CACNG3: variants seen among roughly 807,000 people sequenced by gnomAD.
CACNG3 encodes the protein calcium voltage-gated channel auxiliary subunit gamma 3, also known as voltage-dependent calcium channel gamma-3 subunit.
In CACNG3, 3 loss-of-function variants were observed where a neutral mutation model predicts 28.5. That is an observed-to-expected ratio of 0.11 (90% CI 0.05 to 0.27). CACNG3 has a LOEUF of 0.27. CACNG3 is among the 10% of genes least tolerant of loss of function. The probability of loss-of-function intolerance (pLI) is 1.00; values close to 1 mark genes in which losing one functional copy is unlikely to be tolerated. For missense variants in CACNG3, 236 were observed against 414.4 expected (o/e 0.57, Z 3.74); for synonymous variants, 174 against 162.2 (o/e 1.07, Z -0.55).
chr16:24,267,167 C>T (rs1276931657), intron 1 of CACNG3, among the ~76,000 whole-genome samples: 4 of 151,912 alleles, frequency 2.6e-5, no homozygotes, highest in Non-Finnish European at 4.4e-5. Flanking sequence ...GGGGTTTCAC[C>T]GTGTTAGCCA....
chr16:24,338,046 C>T (rs911516903), intron 1 of CACNG3, among the ~76,000 whole-genome samples: 7 of 151,906 alleles, frequency 4.6e-5, no homozygotes, highest in Admixed American at 1.3e-4. Context: ...GCTGGAAGGG[C>T]AGCTGATGGA....
chr16:24,304,194 T>C (rs920374141), intron 1 of CACNG3, among the ~76,000 whole-genome samples: 2 of 152,134 alleles, frequency 1.3e-5, no homozygotes, highest in African/African-American at 2.4e-5. Flanking sequence ...AAAAAGTCTT[T>C]TAAAATGAGA....
At chr16:24,281,675 T>C (rs1011454721) in intron 1 of CACNG3, among the ~76,000 whole-genome samples, 3 of 152,172 alleles carry the variant, frequency 2.0e-5, no homozygotes, top group African/African-American at 7.2e-5. Flanking sequence ...AGTCACGTGA[T>C]TCAATCTTGA....
rs1402755661 is a variant in CACNG3 at position 24,257,369 on chromosome 16, GAGAGAGAGAGAGA to G, written c.211+405_211+417del. Among the ~76,000 whole-genome samples the G allele has an allele frequency of 5.5e-3, 109 of 19,650 alleles. 2 individuals are homozygous for G. Among genetic ancestry groups the G allele is most frequent in the African/African-American group, 0.014 (80 of 5,760 alleles). The allele number at this position is 19,650 out of a possible 152,430, so 12.9% of individuals were successfully genotyped here. ...GGACAAGAGGAAAGAAGTGAGGGGG[GAGAGAGAGAGAGA>G]GAGAGAGAGAGAGAGAGAGAGAGAG... On this transcript the variant is annotated intron_variant, in intron 1 of 3. Transcript: ENST00000005284.
chr16:24,266,175 A>G (rs759095186), intron 1 of CACNG3, among the ~76,000 whole-genome samples: 1 of 152,194 alleles, frequency 6.6e-6, no homozygotes, highest in Non-Finnish European at 1.5e-5. Flanking sequence ...AAAAGAAGAA[A>G]TCCTTGGGAG....
chr16:24,294,284 C>A (rs1365392971), intron 1 of CACNG3, among the ~76,000 whole-genome samples: 2 of 152,192 alleles, frequency 1.3e-5, no homozygotes, highest in African/African-American at 4.8e-5. Context: ...AGTGAGAAAT[C>A]CCCGAATCAG....
chr16:24,318,663 A>C (rs903069139), intron 1 of CACNG3, among the ~76,000 whole-genome samples: 1 of 152,094 alleles, frequency 6.6e-6, no homozygotes, highest in Non-Finnish European at 1.5e-5. Context: ...CCTTGTGATT[A>C]CAGTTCAACA....
chr16:24,314,763 T>TCCTCCC lies in CACNG3; in HGVS notation c.212-31966_212-31965insCCCTCC, dbSNP rs1354531018. 1.7e-3 allele frequency among the ~76,000 whole-genome samples: 219 copies of TCCTCCC among 132,280 alleles called. 3 individuals are homozygous for TCCTCCC. Among genetic ancestry groups the TCCTCCC allele is most frequent in the Middle Eastern group, 0.011 (3 of 276 alleles). The allele number at this position is 132,280 out of a possible 152,430, so 86.8% of individuals were successfully genotyped here. A position where few individuals can be genotyped will look rare whatever the true frequency, so the allele number is the denominator to read the frequency against. ...CTCCTCCTCCTCCTCCTCCTCCTCC[T>TCCTCCC]CCTCCTCCAACCTCCACCTACTCTC... On this transcript the variant is annotated intron_variant, in intron 1 of 3. Transcript: ENST00000005284.
rs1417396263 is a variant in CACNG3, at chr16:24,317,620, AAGAAAGAC to A, written c.212-29110_212-29103del. ...AAAGAAAGAAAGAAAGAAAGAAAGAAAGAAAGACAGACAGAAAGAAAGAAAAGAAAAGA... is the reference window on the plus strand; with the variant it reads ...AAAGAAAGAAAGAAAGAAAGAAAGAAAGACAGAAAGAAAGAAAAGAAAAGA... On this transcript the variant is annotated intron_variant, in intron 1 of 3. Transcript: ENST00000005284. 2.5e-3 allele frequency among the ~76,000 whole-genome samples: 151 copies of A among 60,420 alleles called. 8 individuals carry two copies. Among genetic ancestry groups the A allele is most frequent in the South Asian group, 3.8e-3 (7 of 1,830 alleles). The allele number at this position is 60,420 out of a possible 152,430, so 39.6% of individuals were successfully genotyped here.
At chr16:24,257,679 G>A (rs932994955) in intron 1 of CACNG3, among the ~76,000 whole-genome samples, 5 of 152,262 alleles carry the variant, frequency 3.3e-5, no homozygotes, top group East Asian at 1.9e-4. Context: ...GTATCCACCT[G>A]TCTTCATTCC....
At chr16:24,302,543 C>T (rs1294461694) in intron 1 of CACNG3, among the ~76,000 whole-genome samples, 1 of 152,154 alleles carries the variant, frequency 6.6e-6, no homozygotes, top group African/African-American at 2.4e-5. Flanking sequence ...CAGCCTTGAA[C>T]TCCTGGGCTC....
intron 1 of CACNG3, among the ~76,000 whole-genome samples, chr16:24,283,113 T>C (rs1242793301): frequency 6.6e-6 from 1 of 152,076 alleles, no homozygotes; most frequent in Non-Finnish European, 1.5e-5. Flanking sequence ...TGTGATCTGC[T>C]TGCCTTGGCC....
intron 1 of CACNG3, among the ~76,000 whole-genome samples, chr16:24,285,735 A>T (rs1055140510): frequency 2.6e-5 from 4 of 151,798 alleles, no homozygotes; most frequent in African/African-American, 7.2e-5. Context: ...TATATAATTT[A>T]AAAAGTATAT....
Position 24,329,824 on chromosome 16 carries a change from C to T in CACNG3, c.212-16910C>T, listed in dbSNP as rs537048648. ...CCAAGGCAGGTGGATTACTTGAGGT[C>T]AGGAGTTTGAGACCAGCCTGGCCAA... On this transcript the variant is annotated intron_variant, in intron 1 of 3. Coordinates refer to ENST00000005284, the MANE Select transcript of CACNG3 (RefSeq NM_006539.4). Among the ~76,000 whole-genome samples the T allele has an allele frequency of 2.0e-5, 3 of 152,274 alleles. No individual in the cohort carries two copies. The East Asian group carries it at 5.8e-4, about 29-fold the overall frequency.
rs1898460605 is a variant in CACNG3, at chr16:24,256,377, T to A, written c.-378T>A. On this transcript the variant is annotated 5_prime_UTR_variant, in exon 1 of 4. Transcript: ENST00000005284. This position sits in a 1 kb window ranked among gnomAD's most constrained non-coding sequence, Gnocchi z 4.6. ...TCTCTGGGTTTCTTTGCCTTGAGTCTCCCGGGGCTGTGAGAAGCCAGGCGC... is the reference window on the plus strand; with the variant it reads ...TCTCTGGGTTTCTTTGCCTTGAGTCACCCGGGGCTGTGAGAAGCCAGGCGC... 3.7e-6 allele frequency: 1 copy of A among 269,766 alleles called. No individual in the cohort carries two copies. The highest frequency in any genetic ancestry group is 7.2e-6 in the Non-Finnish European group (1 of 139,824). 16.7% of individuals were successfully genotyped at this position (269,766 alleles called of 1,614,324 possible).
intron 1 of CACNG3, among the ~76,000 whole-genome samples, chr16:24,343,415 T>G (rs1226479479): frequency 6.6e-6 from 1 of 152,128 alleles, no homozygotes; most frequent in African/African-American, 2.4e-5. Context: ...TTTCTTCCTT[T>G]GAAATCTTTC....
At chr16:24,322,530 T>C (rs539587441) in intron 1 of CACNG3, among the ~76,000 whole-genome samples, 1 of 152,116 alleles carries the variant, frequency 6.6e-6, no homozygotes, top group Non-Finnish European at 1.5e-5. Context: ...CATTTTCTTA[T>C]GCATTAGCTC....
At chr16:24,351,606 GA>G (rs1243417188) in intron 2 of CACNG3, among the ~76,000 whole-genome samples, 3 of 107,910 alleles carry the variant, frequency 2.8e-5, no homozygotes, top group African/African-American at 1.1e-4. Context: ...AGGGGAAGGG[GA>G]AGGGGAAGGG....
At chr16:24,338,334 G>GT (rs1899738633) in intron 1 of CACNG3, among the ~76,000 whole-genome samples, 1 of 151,722 alleles carries the variant, frequency 6.6e-6, no homozygotes, top group Admixed American at 6.6e-5. Context: ...ATCTTTCTTG[G>GT]TTTTTTGTTT....
Sources: allele counts gnomAD v4.1 joint callset (sites outside exome capture counted in the v4.1 genomes callset), GRCh38; gene constraint gnomAD v4.1.1; non-coding constraint Gnocchi (gnomAD v3.1); transcripts MANE v1.5; gene names NCBI Gene and HGNC (gene_info 2026-07-23, HGNC 2026-07-21).